Variants in TPH1 observed in about 807,000 individuals in gnomAD.
TPH1 encodes tryptophan 5-hydroxylase 1.
TPH1 carries 37 observed loss-of-function variants against 49.5 expected under a neutral mutation model. The ratio of observed to expected loss-of-function variants is 0.75; its 90% CI spans 0.58 to 0.98. The LOEUF (loss-of-function observed/expected upper bound fraction) is 0.98, where lower values mean the gene tolerates loss of function less well. Ranked by LOEUF, TPH1 falls within the 50% of genes least tolerant of loss-of-function variation. TPH1 has a pLI of 0.00. For missense variants in TPH1, 487 were observed against 523.6 expected (o/e 0.93, Z 0.68); for synonymous variants, 160 against 182.1 (o/e 0.88, Z 0.98).
At chr11:18,028,226 C>T (rs1304133272) in intron 6 of TPH1, among the ~76,000 whole-genome samples, 1 of 152,190 alleles carries the variant, frequency 6.6e-6, no homozygotes, top group Non-Finnish European at 1.5e-5. Context: ...ACAAAATTGT[C>T]CTTACCCTTT....
At chr11:18,032,894 A>C (rs1848006565) in intron 4 of TPH1, among the ~76,000 whole-genome samples, 1 of 152,112 alleles carries the variant, frequency 6.6e-6, no homozygotes, top group African/African-American at 2.4e-5. Context: ...GTCTAGAAAA[A>C]ACACTTTCTC....
chr11:18,040,963 T>A (rs115632445), intron 1 of TPH1, 175 bp from the exon 2 acceptor site: 89 of 537,698 alleles, frequency 1.7e-4, no homozygotes, highest in African/African-American at 1.3e-3. Flanking sequence ...AGATACAACT[T>A]TGCCTGACAC....
chr11:18,022,753 A>T (rs2134025075), intron 10 of TPH1, 45 bp downstream of exon 10: 2 of 1,607,686 alleles, frequency 1.2e-6, no homozygotes, highest in East Asian at 4.5e-5. Flanking sequence ...AATGGGGCTG[A>T]TCTTTCCCTG....
At chr11:18,037,849 G>A (rs950777335) in intron 2 of TPH1, among the ~76,000 whole-genome samples, 2 of 152,212 alleles carry the variant, frequency 1.3e-5, no homozygotes, top group Non-Finnish European at 2.9e-5. Context: ...AGTTTGGCCA[G>A]AAGCACACAG....
chr11:18,022,187 G>A (rs992701095), intron 10 of TPH1, among the ~76,000 whole-genome samples: 13 of 152,074 alleles, frequency 8.5e-5, no homozygotes, highest in East Asian at 5.8e-4. Flanking sequence ...ATTTATTTTC[G>A]CCTGAAGTGT....
In TPH1 at chr11:18,023,688, T is replaced by C. The variant is rs1258607527; in HGVS notation, c.1026+200A>G. 2.0e-5 allele frequency among the ~76,000 whole-genome samples: 3 copies of C among 152,062 alleles called. No individual in the cohort carries two copies. The East Asian group carries it at 5.8e-4, about 29-fold the overall frequency. On this transcript the variant is annotated intron_variant, in intron 9 of 10. Coordinates refer to ENST00000682019, the MANE Select transcript of TPH1 (RefSeq NM_004179.3). Reference sequence around the variant, plus strand: ...TTCTTATTTTATCTATCTATCTATCTATACATATACACACACACATATTTG... The same window carrying C: ...TTCTTATTTTATCTATCTATCTATCCATACATATACACACACACATATTTG...
At chr11:18,034,506 G>T (rs528504462) in intron 3 of TPH1, among the ~76,000 whole-genome samples, 1 of 152,200 alleles carries the variant, frequency 6.6e-6, no homozygotes, top group Non-Finnish European at 1.5e-5. Flanking sequence ...GGGACTTCTT[G>T]GGGGGACAGT....
chr11:18,040,526 C>G (rs1378998988), intron 2 of TPH1, 120 bp downstream of exon 2: 8 of 987,730 alleles, frequency 8.1e-6, no homozygotes, highest in Non-Finnish European at 1.2e-5. Context: ...CACCACCACA[C>G]CCAGCTAAAT....
rs1854353274 is a variant in TPH1, at chr11:18,020,952, C to T, written c.*39G>A. ...GAAAGCAAGAGATGGCCCAGACCTC[C>T]GAATTGATGCTCAAATGTTCCTGGA... On this transcript the variant is annotated 3_prime_UTR_variant, in exon 11 of 11. Transcript: ENST00000682019. 1.2e-6 allele frequency: 2 copies of T among 1,608,036 alleles called. No homozygotes were observed. Among genetic ancestry groups the T allele is most frequent in the Non-Finnish European group, 1.7e-6 (2 of 1,174,746 alleles).
rs1264358727 is a variant in TPH1, at chr11:18,022,710, A to G, written c.1160+88T>C. 7 of 1,471,864 alleles carry G rather than the reference A, an allele frequency of 4.8e-6. No individual in the cohort carries two copies. In the African/African-American group the frequency reaches 5.6e-5, roughly 12 times the overall value. 91.2% of individuals were successfully genotyped at this position (1,471,864 alleles called of 1,614,324 possible). On this transcript the variant is annotated intron_variant, in intron 10 of 10. Transcript: ENST00000682019. Reference sequence around the variant, plus strand: ...GAAGGCTCCTTGTGGGCTTCAAATTATCTAGCTGCTTACTTCTGTGACTTG... The same window carrying G: ...GAAGGCTCCTTGTGGGCTTCAAATTGTCTAGCTGCTTACTTCTGTGACTTG...
chr11:18,031,950 T>C (rs951366638), intron 4 of TPH1, among the ~76,000 whole-genome samples: 10 of 152,212 alleles, frequency 6.6e-5, no homozygotes, highest in African/African-American at 2.2e-4. Context: ...TGTGTGTTTA[T>C]TTACATATGT....
chr11:18,031,488 T>C (rs1389505054), intron 4 of TPH1, among the ~76,000 whole-genome samples: 1 of 152,140 alleles, frequency 6.6e-6, no homozygotes, highest in Non-Finnish European at 1.5e-5. Context: ...CTAGGAGCCA[T>C]TGGTGATTTT....
rs1854349254 is a variant in TPH1 at position 18,020,729 on chromosome 11, T to TC, written c.*261dup. ...CAACTTCTCTATTAAAAATGGGTGG[T>TC]CAGTGGCTTGTATGGTATATAAATT... On this transcript the variant is annotated 3_prime_UTR_variant, in exon 11 of 11. Coordinates refer to ENST00000682019, the MANE Select transcript of TPH1 (RefSeq NM_004179.3). 1 of 401,244 alleles carries TC rather than the reference T, an allele frequency of 2.5e-6. No homozygotes were observed. Among genetic ancestry groups the TC allele is most frequent in the South Asian group, 2.5e-5 (1 of 39,256 alleles). 24.9% of individuals were successfully genotyped at this position (401,244 alleles called of 1,614,324 possible). A position where few individuals can be genotyped will look rare whatever the true frequency, so the allele number is the denominator to read the frequency against.
rs757984647 is a variant in TPH1 at position 18,029,280 on chromosome 11, G to A, written c.552C>T (p.Leu184=). 4.3e-6 allele frequency: 7 copies of A among 1,614,066 alleles called. No individual in the cohort carries two copies. The highest frequency in any genetic ancestry group is 1.6e-4 in the Middle Eastern group (1 of 6,062). Residue 184 remains leucine (L), a synonymous_variant, in exon 6 of 11, where the codon CTC becomes CTT. Coordinates refer to ENST00000682019, the MANE Select transcript of TPH1 (RefSeq NM_004179.3). ...ACTCTCTGCAAGCATGGGTTGGGTA[G>A]AGTTTGTTGAGCTCTTGGAATACGG... ...WGTVFQELNK[L]YPTHACREYL... is the part of the protein sequence containing the mutation.
intron 4 of TPH1, among the ~76,000 whole-genome samples, chr11:18,030,608 T>G (rs1847977985): frequency 6.6e-6 from 1 of 152,126 alleles, no homozygotes; most frequent in Admixed American, 6.5e-5. Flanking sequence ...GTCTGGGGCT[T>G]AAAGGAGTTT....
At chr11:18,036,355 A>G (rs896154825) in intron 2 of TPH1, among the ~76,000 whole-genome samples, 43 of 152,208 alleles carry the variant, frequency 2.8e-4, no homozygotes, top group African/African-American at 8.2e-4. Flanking sequence ...TCCTCCAGAA[A>G]CCAATAAAAT....
intron 2 of TPH1, among the ~76,000 whole-genome samples, chr11:18,040,263 A>G (rs1323492376): frequency 1.3e-5 from 2 of 148,230 alleles, no homozygotes; most frequent in African/African-American, 4.9e-5. Flanking sequence ...TTAGAAATGT[A>G]AGTTCTTAAC....
At chr11:18,031,961 G>A (rs1847992718) in intron 4 of TPH1, among the ~76,000 whole-genome samples, 2 of 152,030 alleles carry the variant, frequency 1.3e-5, no homozygotes, top group South Asian at 4.1e-4. Flanking sequence ...TTACATATGT[G>A]TGCTTTAGCT....
intron 3 of TPH1, among the ~76,000 whole-genome samples, chr11:18,034,368 C>T (rs1389439134): frequency 6.6e-6 from 1 of 152,156 alleles, no homozygotes. Flanking sequence ...CTAACATATC[C>T]AGGAGTGATA....
Sources: allele counts gnomAD v4.1 joint callset (sites outside exome capture counted in the v4.1 genomes callset), GRCh38; gene constraint gnomAD v4.1.1; transcripts MANE v1.5; gene names NCBI Gene and HGNC (gene_info 2026-07-23, HGNC 2026-07-21).